RGL3: variants seen among roughly 807,000 people sequenced by gnomAD.
RGL3 encodes the protein ral guanine nucleotide dissociation stimulator-like 3.
In RGL3, 85 loss-of-function variants were observed where a neutral mutation model predicts 90.6. The observed-to-expected ratio is 0.94, with a 90% CI of 0.79 to 1.12. The LOEUF is 1.12. Ranked by LOEUF, RGL3 falls within the 50% of genes most tolerant of loss-of-function variation. The pLI, the probability that RGL3 is intolerant of heterozygous loss-of-function variation, is 0.00. For synonymous variants in RGL3, 408 were observed against 385.5 expected (o/e 1.06, Z -0.68); for missense variants, 1,034 against 939.2 (o/e 1.10, Z -1.32).
rs57034025 is a variant in RGL3, at chr19:11,396,132, CTCTCTA to C, written c.2014+1106_2014+1111del. Among the ~76,000 whole-genome samples the C allele has an allele frequency of 7.9e-3, 305 of 38,644 alleles. 1 individual carries two copies. The highest frequency in any genetic ancestry group is 0.016 in the East Asian group (23 of 1,402). The allele number at this position is 38,644 out of a possible 152,430, so 25.4% of individuals were successfully genotyped here. On this transcript the variant is annotated intron_variant, in intron 18 of 18. Coordinates refer to ENST00000380456, the MANE Select transcript of RGL3 (RefSeq NM_001035223.4). ...TCTCTCTCTCTCTCTCTCTCTCTCT[CTCTCTA>C]TATATATATATATATATATATTTTT...
chr19:11,419,246 C>T lies in RGL3; in HGVS notation c.33G>A (p.Leu11=). The change falls in exon 1 of 19, where the codon CTG becomes CTA. Residue 11 remains leucine, a splice_region_variant and synonymous_variant. Transcript: ENST00000380456. MERTAGKELA[L]APLQDWGEET... Reference sequence around the variant, plus strand: ...GTCCGGGGATCCCTTGTCCCCTTACCAGGGCCAGCTCTTTGCCTGCTGTGC... The same window carrying T: ...GTCCGGGGATCCCTTGTCCCCTTACTAGGGCCAGCTCTTTGCCTGCTGTGC... The T allele has an allele frequency of 6.3e-7, 1 of 1,593,458 alleles. No homozygotes were observed.
At chr19:11,397,114 C>G in intron 18 of RGL3, 130 bp downstream of exon 18, 1 of 701,180 alleles carries the variant, frequency 1.4e-6, no homozygotes, top group East Asian at 2.6e-5. Flanking sequence ...ATTATCTTAC[C>G]CCTACTCTCT....
intron 18 of RGL3, among the ~76,000 whole-genome samples, chr19:11,395,101 A>G (rs964164217): frequency 6.6e-6 from 1 of 151,582 alleles, no homozygotes; most frequent in African/African-American, 2.4e-5. Flanking sequence ...TCAAAAAAAA[A>G]AAAACAAAAA....
In RGL3 at chr19:11,406,552, G is replaced by A. The variant is rs1210239522; in HGVS notation, c.863C>T (p.Ser288Phe). 1 of 1,550,058 alleles carries A rather than the reference G, an allele frequency of 6.5e-7. No homozygotes were observed. The highest frequency in any genetic ancestry group is 8.7e-7 in the Non-Finnish European group (1 of 1,147,726). ...GGCCACGGTGGCGCGCACAGTGGGG[G>A]AGGCGCCTGCAGCCCCCGGCCGGTC... ...QRDRPGAAGA[S>F]PTVRATVAQF... The change falls in exon 7 of 19, where the codon TCC (serine) becomes TTC (phenylalanine). Residue 288 changes from serine (S) to phenylalanine (F), a missense_variant. Physicochemically the swap from Ser to Phe is radical, Grantham distance 155. Coordinates refer to ENST00000380456, the MANE Select transcript of RGL3 (RefSeq NM_001035223.4).
chr19:11,405,144 T>G lies in RGL3; in HGVS notation c.1185+3A>C. 1.9e-6 allele frequency: 3 copies of G among 1,613,468 alleles called. No homozygotes were observed. Among genetic ancestry groups the G allele is most frequent in the East Asian group, 2.2e-5 (1 of 44,878 alleles). On this transcript the variant is annotated splice_donor_region_variant and intron_variant, in intron 9 of 18. Coordinates refer to ENST00000380456, the MANE Select transcript of RGL3 (RefSeq NM_001035223.4). ...AATCCCTGGAGTCTGCATCCATCTC[T>G]ACCTGGAAAAGAATCTCTCTGCTGC... is the stretch of plus-strand genomic sequence containing the variant.
intron 16 of RGL3, 92 bp from the exon 17 acceptor site, chr19:11,397,689 A>G: frequency 8.2e-7 from 1 of 1,219,522 alleles, no homozygotes; most frequent in Non-Finnish European, 1.1e-6. Flanking sequence ...CCACTGGTGC[A>G]TTCAATAGCC....
chr19:11,414,536 T>TAA, intron 5 of RGL3, among the ~76,000 whole-genome samples: 1 of 129,798 alleles, frequency 7.7e-6, no homozygotes. Context: ...TATACCTTTA[T>TAA]ATATATATAA....
At chr19:11,399,990 T>C (rs775681385) in intron 15 of RGL3, 39 bp from the exon 16 acceptor site, 16 of 1,585,670 alleles carry the variant, frequency 1.0e-5, no homozygotes, top group South Asian at 3.4e-5. Flanking sequence ...GTGGCTGTGC[T>C]GACTCCTGAT....
At chr19:11,406,377 C>T in intron 7 of RGL3, 42 bp downstream of exon 7, 1 of 1,507,634 alleles carries the variant, frequency 6.6e-7, no homozygotes, top group Non-Finnish European at 8.9e-7. Flanking sequence ...CCCCTTGCCC[C>T]AGGGCCCGCC....
In RGL3 at chr19:11,405,322, C is replaced by T. The variant is rs1271407924; in HGVS notation, c.1100+1G>A. 2 of 1,613,488 alleles carry T rather than the reference C, an allele frequency of 1.2e-6. No individual in the cohort carries two copies. Among genetic ancestry groups the T allele is most frequent in the Non-Finnish European group, 1.7e-6 (2 of 1,179,744 alleles). On this transcript the variant is annotated splice_donor_variant, in intron 8 of 18. Coordinates refer to ENST00000380456, the MANE Select transcript of RGL3 (RefSeq NM_001035223.4). LOFTEE classifies it high-confidence loss of function. ...GGGGAACAGGTCCCGCCCCAGCTCA[C>T]CGGCTCACTGCCCCCCAGCTGCGCT... is the stretch of plus-strand genomic sequence containing the variant.
chr19:11,397,978 C>G (rs1968608240), intron 16 of RGL3, among the ~76,000 whole-genome samples: 1 of 152,010 alleles, frequency 6.6e-6, no homozygotes, highest in Non-Finnish European at 1.5e-5. Flanking sequence ...TACTGCACTC[C>G]AGCCTGCGTG....
At chr19:11,414,221 A>T (rs1209528900) in intron 5 of RGL3, among the ~76,000 whole-genome samples, 1 of 101,858 alleles carries the variant, frequency 9.8e-6, no homozygotes, top group Non-Finnish European at 1.9e-5. Flanking sequence ...ACCTTTATAT[A>T]TATATACCTT....
At chr19:11,416,765 G>C (rs1184994392) in intron 3 of RGL3, 71 bp downstream of exon 3, 1 of 1,586,972 alleles carries the variant, frequency 6.3e-7, no homozygotes, top group Admixed American at 1.7e-5. Context: ...TTCCACACCT[G>C]AGGAGGTGGA....
chr19:11,410,265 T>C (rs1158330380), intron 5 of RGL3, among the ~76,000 whole-genome samples: 1 of 151,978 alleles, frequency 6.6e-6, no homozygotes, highest in Non-Finnish European at 1.5e-5. Flanking sequence ...CTTCCCAACG[T>C]GCTGGGATTA....
chr19:11,395,925 C>T (rs1968557227), intron 18 of RGL3, among the ~76,000 whole-genome samples: 1 of 137,134 alleles, frequency 7.3e-6, no homozygotes. Context: ...CCATGCCCGG[C>T]CCCCTTTTTT....
At chr19:11,413,316 A>G (rs1951108619) in intron 5 of RGL3, among the ~76,000 whole-genome samples, 1 of 151,634 alleles carries the variant, frequency 6.6e-6, no homozygotes, top group South Asian at 2.1e-4. Context: ...TGGGTGGATC[A>G]CCTGAGGTCA....
At position 11,406,553 on chromosome 19, in the gene RGL3, AGGCGCCTGCAGCCCCC is replaced by A; in HGVS notation, c.846_861del (p.Gly283ProfsTer14). On this transcript the variant is annotated frameshift_variant, in exon 7 of 19. Coordinates refer to ENST00000380456, the MANE Select transcript of RGL3 (RefSeq NM_001035223.4). LOFTEE classifies it high-confidence loss of function. ...GCCACGGTGGCGCGCACAGTGGGGG[AGGCGCCTGCAGCCCCC>A]GGCCGGTCCCTCTGCGACCACACGG... 7.1e-6 allele frequency: 11 copies of A among 1,549,694 alleles called. No homozygotes were observed. Among genetic ancestry groups the A allele is most frequent in the Non-Finnish European group, 9.6e-6 (11 of 1,147,588 alleles).
chr19:11,394,323 TG>T lies in RGL3; in HGVS notation c.*78del. ...GGATACACAGCACAGTGGCCTCTACTGGGGGATGGCAGCTTTCCAGGAGAAG... is the reference window on the plus strand; with the variant it reads ...GGATACACAGCACAGTGGCCTCTACTGGGGATGGCAGCTTTCCAGGAGAAG... On this transcript the variant is annotated 3_prime_UTR_variant, in exon 19 of 19. Transcript: ENST00000380456. 1.8e-6 allele frequency: 2 copies of T among 1,086,108 alleles called. No homozygotes were observed. The highest frequency in any genetic ancestry group is 2.9e-6 in the Non-Finnish European group (2 of 700,642). The allele number at this position is 1,086,108 out of a possible 1,614,324, so 67.3% of individuals were successfully genotyped here. A position where few individuals can be genotyped will look rare whatever the true frequency, so the allele number is the denominator to read the frequency against.
intron 9 of RGL3, 30 bp from the exon 10 acceptor site, chr19:11,402,736 T>G: frequency 6.3e-7 from 1 of 1,599,518 alleles, no homozygotes; most frequent in Non-Finnish European, 8.6e-7. Context: ...GAGCCAGGTC[T>G]GGGGTCTCCT....
Sources: gnomAD v4.1 joint callset for allele counts (sites outside exome capture counted in the v4.1 genomes callset) on GRCh38, gnomAD v4.1.1 for gene constraint, MANE v1.5 for transcripts, NCBI Gene and HGNC (gene_info 2026-07-23, HGNC 2026-07-21) for gene names.